The following SHROOM4 variants were observed in gnomAD, a reference collection of about 807,000 sequenced individuals.
The protein encoded by SHROOM4 is shroom family member 4, also known as protein Shroom4.
In SHROOM4, 17 loss-of-function variants were observed where a neutral mutation model predicts 80.3. That is an observed-to-expected ratio of 0.21 (90% CI 0.14 to 0.32). SHROOM4 has a LOEUF of 0.32. Among genes scored for constraint, SHROOM4 ranks in the 10% least tolerant of loss-of-function variants. The probability of loss-of-function intolerance (pLI) is 1.00; values close to 1 mark genes in which losing one functional copy is unlikely to be tolerated. For missense variants in SHROOM4, 993 were observed against 1,140.3 expected (o/e 0.87, Z 1.86); for synonymous variants, 400 against 437.5 (o/e 0.91, Z 1.07).
At chrX:50,793,917 T>G (rs1935906897) in intron 1 of SHROOM4, among the ~76,000 whole-genome samples, 1 of 109,773 alleles carries the variant, frequency 9.1e-6, no homozygotes, top group African/African-American at 3.3e-5. Flanking sequence ...AAAAAAGATG[T>G]GTGGTTCCCA....
intron 1 of SHROOM4, among the ~76,000 whole-genome samples, chrX:50,704,821 T>C (rs1557263825): frequency 9.0e-6 from 1 of 111,013 alleles, no homozygotes; most frequent in Non-Finnish European, 1.9e-5. Context: ...GGCACCTGCA[T>C]GCCACTCCCA....
chrX:50,657,476 G>T (rs782402456), intron 2 of SHROOM4, among the ~76,000 whole-genome samples: 3 of 109,937 alleles, frequency 2.7e-5, no homozygotes, highest in African/African-American at 9.9e-5. Flanking sequence ...AAAGCATGTT[G>T]CACTTTGTGA....
At chrX:50,624,515 G>A (rs1930715409) in intron 5 of SHROOM4, among the ~76,000 whole-genome samples, 1 of 110,999 alleles carries the variant, frequency 9.0e-6, no homozygotes, top group South Asian at 3.9e-4. Flanking sequence ...AAACTTAGCA[G>A]CATCTTCACC....
At chrX:50,796,446 G>A (rs781999516) in intron 1 of SHROOM4, among the ~76,000 whole-genome samples, 1 of 111,476 alleles carries the variant, frequency 9.0e-6, no homozygotes, top group Non-Finnish European at 1.9e-5. Flanking sequence ...ATGGTGGGAG[G>A]TGGGGAGACA....
intron 3 of SHROOM4, among the ~76,000 whole-genome samples, chrX:50,637,771 A>G (rs1931417955): frequency 8.9e-6 from 1 of 112,118 alleles, no homozygotes; most frequent in African/African-American, 3.2e-5. Context: ...AGAGGTAATA[A>G]AGACCAGATA....
intron 1 of SHROOM4, among the ~76,000 whole-genome samples, chrX:50,709,371 A>T (rs1195295536): frequency 8.9e-6 from 1 of 112,114 alleles, no homozygotes; most frequent in African/African-American, 3.2e-5. Flanking sequence ...ATGGTCTGAC[A>T]ATTATATTTA....
intron 1 of SHROOM4, among the ~76,000 whole-genome samples, chrX:50,778,790 T>C (rs1319622184): frequency 8.9e-6 from 1 of 112,366 alleles, no homozygotes; most frequent in Non-Finnish European, 1.9e-5. Context: ...TTATTTATTA[T>C]AGCATAGTGG....
At chrX:50,711,526 C>T (rs1458205793) in intron 1 of SHROOM4, among the ~76,000 whole-genome samples, 1 of 111,797 alleles carries the variant, frequency 8.9e-6, no homozygotes, top group Non-Finnish European at 1.9e-5. Flanking sequence ...AATTTTACCT[C>T]AAAAGGAAAA....
At chrX:50,623,908 G>A (rs781889320) in intron 5 of SHROOM4, among the ~76,000 whole-genome samples, 2 of 111,367 alleles carry the variant, frequency 1.8e-5, no homozygotes, top group African/African-American at 6.5e-5. Flanking sequence ...AAAGGAGTCA[G>A]GCATAAAAGA....
intron 1 of SHROOM4, among the ~76,000 whole-genome samples, chrX:50,795,411 G>T (rs1024970550): frequency 1.2e-4 from 13 of 108,835 alleles, no homozygotes; most frequent in Non-Finnish European, 1.7e-4. Context: ...AACAGATTTG[G>T]GGTTAAAAGC....
intron 2 of SHROOM4, among the ~76,000 whole-genome samples, chrX:50,662,521 A>G (rs1362653916): frequency 9.0e-6 from 1 of 111,328 alleles, no homozygotes; most frequent in African/African-American, 3.3e-5. Context: ...AAGTGTTATG[A>G]TAATAAAAGA....
intron 1 of SHROOM4, among the ~76,000 whole-genome samples, chrX:50,813,361 C>G (rs1180307851): frequency 8.9e-6 from 1 of 111,813 alleles, no homozygotes; most frequent in African/African-American, 3.2e-5. Flanking sequence ...TGGATGTGTG[C>G]GCGTCCGGCC....
chrX:50,798,125 G>A (rs868909183), intron 1 of SHROOM4, among the ~76,000 whole-genome samples: 1 of 110,591 alleles, frequency 9.0e-6, no homozygotes, highest in Middle Eastern at 4.6e-3. Context: ...GGTTTGTAGG[G>A]GCCGAGAGGG....
chrX:50,714,933 T>C (rs1485457563), intron 1 of SHROOM4, among the ~76,000 whole-genome samples: 2 of 111,653 alleles, frequency 1.8e-5, no homozygotes. Flanking sequence ...GGCTTAGTTT[T>C]CAGACTGTTG....
rs1928805204 is a variant in SHROOM4, at chrX:50,588,542, T to G, written c.*8153A>C. ...CAATGTGTAAGTGGTGGAGCCAGTA[T>G]GAAAACCTACGTGGTGTGGGTTCCA... On this transcript the variant is annotated 3_prime_UTR_variant, in exon 9 of 9. Transcript: ENST00000376020. 1.8e-5 allele frequency among the ~76,000 whole-genome samples: 2 copies of G among 111,780 alleles called. No individual in the cohort carries two copies. Among genetic ancestry groups the G allele is most frequent in the Non-Finnish European group, 3.8e-5 (2 of 53,156 alleles).
At chrX:50,769,267 G>T (rs1426940265) in intron 1 of SHROOM4, among the ~76,000 whole-genome samples, 17 of 110,848 alleles carry the variant, frequency 1.5e-4, no homozygotes, top group Non-Finnish European at 1.9e-5. Context: ...AGGAAAGAAA[G>T]GGAAAAAGAA....
chrX:50,644,509 C>T (rs1312177414), intron 2 of SHROOM4, among the ~76,000 whole-genome samples: 1 of 111,998 alleles, frequency 8.9e-6, no homozygotes, highest in East Asian at 2.8e-4. Flanking sequence ...CCCCCTAAGC[C>T]CAGGCTCAGG....
chrX:50,762,497 T>A (rs956788642), intron 1 of SHROOM4, among the ~76,000 whole-genome samples: 24 of 112,745 alleles, frequency 2.1e-4, no homozygotes, highest in Admixed American at 4.7e-4. Context: ...TTAGTTTTTT[T>A]TCATGTGGAT....
intron 1 of SHROOM4, among the ~76,000 whole-genome samples, chrX:50,780,462 C>G (rs782007557): frequency 1.4e-4 from 16 of 111,513 alleles, no homozygotes; most frequent in Non-Finnish European, 2.6e-4. Flanking sequence ...CATAAAGTCC[C>G]GAGGCTGAGG....
Sources: allele counts gnomAD v4.1 joint callset (sites outside exome capture counted in the v4.1 genomes callset), GRCh38; gene constraint gnomAD v4.1.1; transcripts MANE v1.5; gene names NCBI Gene and HGNC (gene_info 2026-07-23, HGNC 2026-07-21).